Variants in CACNG3 observed in about 807,000 individuals in gnomAD.
CACNG3 encodes the protein calcium voltage-gated channel auxiliary subunit gamma 3, also known as voltage-dependent calcium channel gamma-3 subunit.
Under a neutral mutation model 28.5 loss-of-function variants are expected in CACNG3, and 3 were observed. That is an observed-to-expected ratio of 0.11 (90% CI 0.05 to 0.27). The LOEUF (loss-of-function observed/expected upper bound fraction) is 0.27. CACNG3 is among the 10% of genes least tolerant of loss of function. The pLI is 1.00. For missense variants in CACNG3, 236 were observed against 414.4 expected, an observed-to-expected ratio of 0.57 and a Z score of 3.74; for synonymous variants, 174 against 162.2, an observed-to-expected ratio of 1.07 and a Z score of -0.55.
At chr16:24,322,444 A>G (rs1899476260) in intron 1 of CACNG3, among the ~76,000 whole-genome samples, 1 of 151,776 alleles carries the variant, frequency 6.6e-6, no homozygotes, top group Non-Finnish European at 1.5e-5. Context: ...CCTCCCCACT[A>G]AACACACTCT....
chr16:24,258,601 G>C (rs756091407), intron 1 of CACNG3, among the ~76,000 whole-genome samples: 1 of 152,180 alleles, frequency 6.6e-6, no homozygotes, highest in Non-Finnish European at 1.5e-5. Context: ...ATATTTGTGA[G>C]CATTTGTGAT....
At chr16:24,313,981 G>A (rs1170148838) in intron 1 of CACNG3, among the ~76,000 whole-genome samples, 1 of 152,134 alleles carries the variant, frequency 6.6e-6, no homozygotes. Context: ...GTGGCCTCAA[G>A]TCATCCACCC....
intron 2 of CACNG3, among the ~76,000 whole-genome samples, 200 bp downstream of exon 2, chr16:24,347,017 AAAG>A (rs1440658957): frequency 6.6e-6 from 1 of 152,184 alleles, no homozygotes; most frequent in Non-Finnish European, 1.5e-5. Context: ...TTAGAAACAG[AAAG>A]AAGAAGCAGG....
intron 2 of CACNG3, 22 bp from the exon 3 acceptor site, chr16:24,354,811 G>A (rs1174076246): frequency 6.2e-7 from 1 of 1,609,180 alleles, no homozygotes; most frequent in African/African-American, 1.3e-5. Flanking sequence ...ACAGGCAGAA[G>A]CCTCTCTCCT....
intron 1 of CACNG3, among the ~76,000 whole-genome samples, chr16:24,290,757 A>G (rs1000856124): frequency 6.6e-6 from 1 of 152,064 alleles, no homozygotes; most frequent in South Asian, 2.1e-4. Flanking sequence ...GTTTTTTTAG[A>G]GTAAAGTGAA....
At chr16:24,298,883 A>G (rs998106732) in intron 1 of CACNG3, among the ~76,000 whole-genome samples, 2 of 152,180 alleles carry the variant, frequency 1.3e-5, no homozygotes, top group Admixed American at 6.5e-5. Flanking sequence ...TCATGATTAC[A>G]TGAAGGATCA....
intron 1 of CACNG3, among the ~76,000 whole-genome samples, chr16:24,345,726 G>A (rs141231406): frequency 2.9e-3 from 446 of 152,272 alleles, no homozygotes; most frequent in African/African-American, 0.01. Flanking sequence ...GACAGCAAAT[G>A]TGGACGGATG....
chr16:24,359,413 C>A (rs1231997844), intron 3 of CACNG3, among the ~76,000 whole-genome samples: 1 of 152,092 alleles, frequency 6.6e-6, no homozygotes, highest in African/African-American at 2.4e-5. Flanking sequence ...ATGTGTCAAA[C>A]CCCATAATAA....
intron 1 of CACNG3, among the ~76,000 whole-genome samples, chr16:24,266,674 C>T (rs1220123990): frequency 1.3e-5 from 2 of 152,192 alleles, no homozygotes; most frequent in African/African-American, 4.8e-5. Context: ...TGTGGGTCTG[C>T]TGAAGCTTTT....
intron 1 of CACNG3, among the ~76,000 whole-genome samples, chr16:24,309,145 C>T (rs1030960133): frequency 3.3e-5 from 5 of 152,106 alleles, no homozygotes; most frequent in African/African-American, 9.7e-5. Context: ...CTCTCCAATG[C>T]GCACAAAGTT....
At chr16:24,258,936 A>C (rs961837986) in intron 1 of CACNG3, among the ~76,000 whole-genome samples, 7 of 152,260 alleles carry the variant, frequency 4.6e-5, no homozygotes, top group African/African-American at 1.7e-4. Context: ...AAAATTTCTA[A>C]ACACTTGCTA....
rs181276660 is a variant in CACNG3 at position 24,356,623 on chromosome 16, G to T, written c.436+1650G>T. On this transcript the variant is annotated intron_variant, in intron 3 of 3. Coordinates refer to ENST00000005284, the MANE Select transcript of CACNG3 (RefSeq NM_006539.4). Reference sequence around the variant, plus strand: ...AGGCTGAGGTGGGAGGATTGCTAGAGCCCGGGAGGTCAAGGCTGCAGTCAG... The same window carrying T: ...AGGCTGAGGTGGGAGGATTGCTAGATCCCGGGAGGTCAAGGCTGCAGTCAG... Among the ~76,000 whole-genome samples the T allele has an allele frequency of 1.6e-4, 24 of 152,156 alleles. No homozygotes were observed. The East Asian group carries it at 4.3e-3, about 27-fold the overall frequency.
intron 1 of CACNG3, among the ~76,000 whole-genome samples, chr16:24,259,793 G>A (rs1426452854): frequency 6.6e-6 from 1 of 152,172 alleles, no homozygotes; most frequent in Non-Finnish European, 1.5e-5. Flanking sequence ...AGCTTTGGCA[G>A]GTGATGGGTC....
chr16:24,360,282 A>G (rs573353582), intron 3 of CACNG3, among the ~76,000 whole-genome samples: 1 of 152,286 alleles, frequency 6.6e-6, no homozygotes, highest in African/African-American at 2.4e-5. Context: ...GAGTAAGAAC[A>G]TGAGAAAGGT....
At chr16:24,304,809 G>T (rs572602029) in intron 1 of CACNG3, among the ~76,000 whole-genome samples, 2 of 151,956 alleles carry the variant, frequency 1.3e-5, no homozygotes, top group African/African-American at 4.8e-5. Context: ...TGATCCTCCC[G>T]CCTCATCCTC....
intron 1 of CACNG3, among the ~76,000 whole-genome samples, chr16:24,317,934 T>C (rs12920739): frequency 0.78 from 118,572 of 152,052 alleles, 46,329 homozygotes; most frequent in Middle Eastern, 0.87. Flanking sequence ...TGCTGGTCAC[T>C]CAGCCCAGAT....
intron 1 of CACNG3, among the ~76,000 whole-genome samples, chr16:24,286,424 AC>A: frequency 7.1e-6 from 1 of 140,056 alleles, no homozygotes; most frequent in Middle Eastern, 3.4e-3. Flanking sequence ...ACACACACAC[AC>A]ACACACACAT....
chr16:24,292,923 A>G (rs1253213958), intron 1 of CACNG3, among the ~76,000 whole-genome samples: 1 of 152,224 alleles, frequency 6.6e-6, no homozygotes, highest in Non-Finnish European at 1.5e-5. Flanking sequence ...GTGAACACCA[A>G]TGTGTTGGAA....
intron 1 of CACNG3, among the ~76,000 whole-genome samples, chr16:24,282,875 T>G (rs909674432): frequency 6.6e-6 from 1 of 152,198 alleles, no homozygotes; most frequent in African/African-American, 2.4e-5. Flanking sequence ...ATTCTTTTTT[T>G]GTTTTTTGGA....
Sources: allele counts gnomAD v4.1 joint callset (sites outside exome capture counted in the v4.1 genomes callset), GRCh38; gene constraint gnomAD v4.1.1; transcripts MANE v1.5; gene names NCBI Gene and HGNC (gene_info 2026-07-23, HGNC 2026-07-21).